The following FRAS1 variants were observed in gnomAD, a reference collection of about 807,000 sequenced individuals.
The protein encoded by FRAS1 is Fraser extracellular matrix complex subunit 1, also known as extracellular matrix organizing protein FRAS1.
In FRAS1, 290 loss-of-function variants were observed where a neutral mutation model predicts 435.2. That is an observed-to-expected ratio of 0.67 (90% CI 0.61 to 0.73). FRAS1 has a LOEUF of 0.73. Among genes scored for constraint, FRAS1 ranks in the 30% least tolerant of loss-of-function variants. The probability of loss-of-function intolerance (pLI) is 0.00; values close to 1 mark genes in which losing one functional copy is unlikely to be tolerated. For synonymous variants in FRAS1, 1,800 were observed against 1,851.0 expected, an observed-to-expected ratio of 0.97 and a Z score of 0.71; for missense variants, 4,860 against 5,001.5, an observed-to-expected ratio of 0.97 and a Z score of 0.85.
intron 22 of FRAS1, among the ~76,000 whole-genome samples, chr4:78,365,002 A>C (rs868172552): frequency 6.6e-6 from 1 of 152,222 alleles, no homozygotes; most frequent in African/African-American, 2.4e-5. Context: ...TGTAAAAGGA[A>C]GATAATAACA....
At chr4:78,506,854 C>T (rs558933814) in intron 61 of FRAS1, among the ~76,000 whole-genome samples, 1 of 152,286 alleles carries the variant, frequency 6.6e-6, no homozygotes, top group South Asian at 2.1e-4. Flanking sequence ...GAGCTGCAGA[C>T]CAGAGCTGTT....
intron 20 of FRAS1, among the ~76,000 whole-genome samples, chr4:78,359,753 A>G (rs939559979): frequency 6.6e-6 from 1 of 152,216 alleles, no homozygotes; most frequent in Admixed American, 6.5e-5. Flanking sequence ...TGTGTGAGGT[A>G]GAACTATAAA....
chr4:78,169,380 G>T (rs1283159483), intron 2 of FRAS1, among the ~76,000 whole-genome samples: 1 of 152,088 alleles, frequency 6.6e-6, no homozygotes, highest in Admixed American at 6.6e-5. Flanking sequence ...CATTGTTAGT[G>T]TGCTGTAATG....
At chr4:78,247,602 A>T (rs1725303923) in intron 4 of FRAS1, among the ~76,000 whole-genome samples, 1 of 152,106 alleles carries the variant, frequency 6.6e-6, no homozygotes, top group Non-Finnish European at 1.5e-5. Context: ...AGTGGGTTAA[A>T]TGCTTGTCTG....
chr4:78,321,984 A>G (rs911583603), intron 18 of FRAS1, among the ~76,000 whole-genome samples: 1 of 152,232 alleles, frequency 6.6e-6, no homozygotes, highest in Non-Finnish European at 1.5e-5. Flanking sequence ...GATATCATAC[A>G]TATAGCTCTC....
intron 68 of FRAS1, 77 bp from the exon 69 acceptor site, chr4:78,522,572 G>T: frequency 8.0e-7 from 1 of 1,246,402 alleles, no homozygotes; most frequent in Non-Finnish European, 1.1e-6. Flanking sequence ...TCAGGCTTTT[G>T]TGGGGCTCTA....
intron 40 of FRAS1, 140 bp downstream of exon 40, chr4:78,439,204 G>A: frequency 2.9e-6 from 2 of 680,280 alleles, no homozygotes; most frequent in Non-Finnish European, 5.0e-6. Flanking sequence ...AGATATGCAT[G>A]GTTTTCAATC....
At position 78,519,820 on chromosome 4, in the gene FRAS1, G is replaced by A. The variant is rs148737568; in HGVS notation, c.10540+339G>A. On this transcript the variant is annotated intron_variant, in intron 67 of 73. Transcript: ENST00000512123. ...TTTTCTCCTAGTGAAAAATTGTGTG[G>A]TTCTTGTTTTTACAGAGCAAAAGGA... Among the ~76,000 whole-genome samples the A allele has an allele frequency of 1.6e-4, 25 of 152,254 alleles. No individual in the cohort carries two copies. The East Asian group carries it at 4.6e-3, about 28-fold the overall frequency.
At chr4:78,444,005 T>C (rs542875038) in intron 41 of FRAS1, 13 of 350,246 alleles carry the variant, frequency 3.7e-5, no homozygotes, top group Middle Eastern at 9.8e-4. Flanking sequence ...TCCGCCATCA[T>C]GCCTGGCAAA....
intron 18 of FRAS1, among the ~76,000 whole-genome samples, chr4:78,330,880 C>T (rs931244941): frequency 6.6e-6 from 1 of 152,210 alleles, no homozygotes; most frequent in African/African-American, 2.4e-5. Flanking sequence ...TTGTGAAGTA[C>T]TTGATGTCTG....
intron 43 of FRAS1, among the ~76,000 whole-genome samples, 180 bp from the exon 44 acceptor site, chr4:78,447,873 A>G (rs1718902407): frequency 6.6e-6 from 1 of 152,164 alleles, no homozygotes; most frequent in African/African-American, 2.4e-5. Context: ...TTTGTGTATG[A>G]GGCCACAGAG....
intron 29 of FRAS1, among the ~76,000 whole-genome samples, chr4:78,398,650 A>G (rs1732764513): frequency 6.6e-6 from 1 of 152,212 alleles, no homozygotes; most frequent in Non-Finnish European, 1.5e-5. Flanking sequence ...AACCAAAATC[A>G]AAGTTCAGTA....
At chr4:78,238,788 A>G (rs1400953948) in intron 3 of FRAS1, among the ~76,000 whole-genome samples, 2 of 152,184 alleles carry the variant, frequency 1.3e-5, no homozygotes, top group South Asian at 2.1e-4. Flanking sequence ...TTGTGTTATC[A>G]TGGAAGAAGC....
At chr4:78,428,960 GC>G (rs1324972475) in intron 35 of FRAS1, 134 bp from the exon 36 acceptor site, 17 of 780,822 alleles carry the variant, frequency 2.2e-5, no homozygotes, top group Non-Finnish European at 2.2e-5. Flanking sequence ...TTAAAGTAGT[GC>G]AAAAAAGTTT....
intron 2 of FRAS1, among the ~76,000 whole-genome samples, chr4:78,224,322 C>T (rs140658295): frequency 7.9e-5 from 12 of 152,304 alleles, no homozygotes; most frequent in East Asian, 1.9e-4. Context: ...ACTGACCAGA[C>T]GTTCTTTATG....
chr4:78,466,205 C>A lies in FRAS1; in HGVS notation c.7030-3C>A, dbSNP rs1254762800. The A allele has an allele frequency of 6.2e-7, 1 of 1,613,202 alleles. No homozygotes were observed. Among genetic ancestry groups the A allele is most frequent in the African/African-American group, 1.3e-5 (1 of 75,014 alleles). ...CCCCTCTGGTATTTTGCCTTCCGGA[C>A]AGGCCGAGTCTGTCACATTCACCAT... On this transcript the variant is annotated splice_region_variant and splice_polypyrimidine_tract_variant and intron_variant, in intron 49 of 73. Transcript: ENST00000512123.
chr4:78,099,067 T>C (rs1741973925), intron 2 of FRAS1, among the ~76,000 whole-genome samples: 1 of 152,214 alleles, frequency 6.6e-6, no homozygotes, highest in African/African-American at 2.4e-5. Flanking sequence ...ATTAACAGAT[T>C]CTTAAAATCT....
intron 66 of FRAS1, among the ~76,000 whole-genome samples, chr4:78,517,678 A>G (rs1245200838): frequency 6.6e-6 from 1 of 152,352 alleles, no homozygotes; most frequent in Middle Eastern, 3.4e-3. Context: ...AATAATCTCA[A>G]CATGAGAAGG....
intron 72 of FRAS1, among the ~76,000 whole-genome samples, chr4:78,537,425 G>A (rs530422710): frequency 5.9e-5 from 9 of 152,194 alleles, no homozygotes; most frequent in Non-Finnish European, 1.0e-4. Context: ...GGAAACTCTC[G>A]GCCAATGTTT....
Sources: gnomAD v4.1 joint callset for allele counts (sites outside exome capture counted in the v4.1 genomes callset) on GRCh38, gnomAD v4.1.1 for gene constraint, MANE v1.5 for transcripts, NCBI Gene and HGNC (gene_info 2026-07-23, HGNC 2026-07-21) for gene names.